NID2: variants seen among roughly 807,000 people sequenced by gnomAD.
NID2 encodes nidogen-2.
NID2 carries 83 observed loss-of-function variants against 145.4 expected under a neutral mutation model. The observed-to-expected ratio is 0.57, with a 90% CI of 0.48 to 0.69. The LOEUF (loss-of-function observed/expected upper bound fraction) is 0.69. Ranked by LOEUF, NID2 falls within the 30% of genes least tolerant of loss-of-function variation. The pLI, the probability that NID2 is intolerant of heterozygous loss-of-function variation, is 0.00. For missense variants in NID2, 1,807 were observed against 1,765.7 expected, an observed-to-expected ratio of 1.02 and a Z score of -0.42; for synonymous variants, 739 against 701.3, an observed-to-expected ratio of 1.05 and a Z score of -0.85.
rs149983760 is a variant in NID2 at position 52,006,619 on chromosome 14, G to A, written c.3922C>T (p.Arg1308Trp). 8.7e-6 allele frequency: 14 copies of A among 1,613,788 alleles called. No individual in the cohort carries two copies. The highest frequency in any genetic ancestry group is 3.3e-5 in the Admixed American group (2 of 60,014). ...TTGAGGTTGTTTTGAATGACACGCCGTCCAGTTCCATCAGGTAGTGTACAC... is the reference window on the plus strand; with the variant it reads ...TTGAGGTTGTTTTGAATGACACGCCATCCAGTTCCATCAGGTAGTGTACAC... ...LECTLPDGTG[R>W]RVIQNNLKYP... Residue 1308 changes from arginine to tryptophan, a missense_variant, in exon 20 of 22, where the codon CGG becomes TGG. Transcript: ENST00000216286.
intron 3 of NID2, among the ~76,000 whole-genome samples, chr14:52,054,701 C>T (rs1044553569): frequency 2.0e-5 from 3 of 152,070 alleles, no homozygotes; most frequent in East Asian, 3.9e-4. Context: ...AGAGTGAGAC[C>T]CTGTCTCAAA....
chr14:52,006,673 A>G lies in NID2; in HGVS notation c.3881-13T>C. ...AGTTTTTTGGTTCCTTTTAAAACAAAGGGGGAAAATGAGGTCCTTCAGCTG... is the reference window on the plus strand; with the variant it reads ...AGTTTTTTGGTTCCTTTTAAAACAAGGGGGGAAAATGAGGTCCTTCAGCTG... On this transcript the variant is annotated splice_polypyrimidine_tract_variant and intron_variant, in intron 19 of 21. Transcript: ENST00000216286. The G allele has an allele frequency of 6.2e-7, 1 of 1,613,004 alleles. No individual in the cohort carries two copies. Among genetic ancestry groups the G allele is most frequent in the African/African-American group, 1.3e-5 (1 of 75,016 alleles).
In NID2 at chr14:52,027,301, G is replaced by T. The variant is rs1299665026; in HGVS notation, c.2574C>A (p.Thr858=). ...ACCGGGCCTGCCCAGCAGGAGCACAGGTATGACTGCCATCCTCACAGGGGT... is the reference window on the plus strand; with the variant it reads ...ACCGGGCCTGCCCAGCAGGAGCACATGTATGACTGCCATCCTCACAGGGGT... The part of the protein sequence containing the change: ...PANPCEDGSH[T]CAPAGQARCV... Residue 858 remains threonine (T), a synonymous_variant, in exon 12 of 22, where the codon ACC becomes ACA. Transcript: ENST00000216286. 6.3e-7 allele frequency: 1 copy of T among 1,593,888 alleles called. No homozygotes were observed. Among genetic ancestry groups the T allele is most frequent in the African/African-American group, 1.4e-5 (1 of 73,428 alleles).
At chr14:52,049,953 C>T (rs1892634885) in intron 5 of NID2, among the ~76,000 whole-genome samples, 1 of 152,128 alleles carries the variant, frequency 6.6e-6, no homozygotes, top group African/African-American at 2.4e-5. Context: ...GTCTTTGGCA[C>T]CTGGAGGGTT....
intron 2 of NID2, among the ~76,000 whole-genome samples, chr14:52,066,300 G>A (rs1422357366): frequency 1.3e-5 from 2 of 150,778 alleles, no homozygotes. Flanking sequence ...TCAGGGGAAG[G>A]TGGACACAGT....
chr14:52,033,511 A>G lies in NID2; in HGVS notation c.2258-3821T>C, dbSNP rs944499164. Reference sequence around the variant, plus strand: ...AAGTCACCGAGGGACAGAGGCTCCAATTACTCACTGGGAAAGACACCCCAG... The same window carrying G: ...AAGTCACCGAGGGACAGAGGCTCCAGTTACTCACTGGGAAAGACACCCCAG... On this transcript the variant is annotated intron_variant, in intron 9 of 21. Coordinates refer to ENST00000216286, the MANE Select transcript of NID2 (RefSeq NM_007361.4). Among the ~76,000 whole-genome samples, 3 of 152,194 alleles carry G rather than the reference A, an allele frequency of 2.0e-5. No individual in the cohort carries two copies. The East Asian group carries it at 5.8e-4, about 29-fold the overall frequency.
In NID2 at chr14:52,029,778, A is replaced by G. The variant is rs571350415; in HGVS notation, c.2258-88T>C. Reference sequence around the variant, plus strand: ...TAGAGGAGTCCTCGGAACTGACTGCATGTCTGTGTTTTGTGACACACCGGA... The same window carrying G: ...TAGAGGAGTCCTCGGAACTGACTGCGTGTCTGTGTTTTGTGACACACCGGA... On this transcript the variant is annotated intron_variant, in intron 9 of 21. Transcript: ENST00000216286. 1.7e-5 allele frequency: 19 copies of G among 1,131,018 alleles called. No homozygotes were observed. The South Asian group carries it at 2.7e-4, about 16-fold the overall frequency. The allele number at this position is 1,131,018 out of a possible 1,614,324, so 70.1% of individuals were successfully genotyped here.
At chr14:52,068,197 G>C (rs751784197) in intron 1 of NID2, 34 bp from the exon 2 acceptor site, 5 of 1,594,226 alleles carry the variant, frequency 3.1e-6, no homozygotes, top group Non-Finnish European at 4.3e-6. Flanking sequence ...GGTGACAGTC[G>C]CTCAAGCCCA....
At chr14:52,027,010 T>C (rs570599177) in intron 12 of NID2, among the ~76,000 whole-genome samples, 191 bp downstream of exon 12, 2 of 152,328 alleles carry the variant, frequency 1.3e-5, no homozygotes, top group South Asian at 4.1e-4. Context: ...TGCTCGCCCA[T>C]CTAGTCCAGA....
chr14:52,014,203 C>T, intron 16 of NID2, 84 bp downstream of exon 16: 1 of 1,562,552 alleles, frequency 6.4e-7, no homozygotes. Flanking sequence ...TGCACCAGTC[C>T]ACCTCACTGC....
rs772412285 is a variant in NID2 at position 52,015,093 on chromosome 14, C to T, written c.3211G>A (p.Val1071Met). 1.9e-6 allele frequency: 3 copies of T among 1,614,058 alleles called. No individual in the cohort carries two copies. Among genetic ancestry groups the T allele is most frequent in the Admixed American group, 3.3e-5 (2 of 60,018 alleles). The change falls in exon 15 of 22, where the codon GTG becomes ATG. Residue 1071 changes from valine to methionine, a missense_variant. Val to Met is a conservative substitution (Grantham distance 21). Transcript: ENST00000216286. The part of the protein sequence containing the change: ...CWCVDKDGRE[V>M]QGTRSQPGTT... ...CCTGGCTGGGAGCGGGTGCCCTGCA[C>T]CTCTCTGCCATCTTTGTCCACACAC...
At chr14:52,031,084 G>C (rs1891851095) in intron 9 of NID2, among the ~76,000 whole-genome samples, 2 of 152,192 alleles carry the variant, frequency 1.3e-5, no homozygotes, top group Non-Finnish European at 1.5e-5. Flanking sequence ...TGGTTCCATA[G>C]CTCATGCTTT....
At chr14:52,008,172 C>T in intron 18 of NID2, 1 of 457,576 alleles carries the variant, frequency 2.2e-6, no homozygotes, top group East Asian at 3.6e-5. Context: ...GATATTCGGT[C>T]TCAAAAAACT....
At chr14:52,033,300 G>A (rs1039280573) in intron 9 of NID2, among the ~76,000 whole-genome samples, 4 of 152,034 alleles carry the variant, frequency 2.6e-5, no homozygotes, top group Admixed American at 2.6e-4. Context: ...TCACTGCACA[G>A]CCCTCTGCCC....
rs1892977573 is a variant in NID2 at position 52,060,207 on chromosome 14, G to A, written c.684C>T (p.Cys228=). The change falls in exon 3 of 22, where the codon TGC becomes TGT. Residue 228 remains cysteine (C), a synonymous_variant. Transcript: ENST00000216286. Reference sequence around the variant, plus strand: ...ACTTCAGATCATCAGCCTCCCCTCGGCAGAAGCCCACCCGAGCTGGAAGCT... The same window carrying A: ...ACTTCAGATCATCAGCCTCCCCTCGACAGAAGCCCACCCGAGCTGGAAGCT... ...QLQLPARVGF[C]RGEADDLKSE... The A allele has an allele frequency of 6.2e-6, 10 of 1,614,022 alleles. No homozygotes were observed. The highest frequency in any genetic ancestry group is 8.5e-6 in the Non-Finnish European group (10 of 1,179,980).
Position 52,006,673 on chromosome 14 carries a change from A to AG in NID2, c.3881-14dup. On this transcript the variant is annotated splice_polypyrimidine_tract_variant and intron_variant, in intron 19 of 21. Transcript: ENST00000216286. ...AGTTTTTTGGTTCCTTTTAAAACAAAGGGGGAAAATGAGGTCCTTCAGCTG... is the reference window on the plus strand; with the variant it reads ...AGTTTTTTGGTTCCTTTTAAAACAAAGGGGGGAAAATGAGGTCCTTCAGCTG... 6.2e-7 allele frequency: 1 copy of AG among 1,613,006 alleles called. No homozygotes were observed. Among genetic ancestry groups the AG allele is most frequent in the South Asian group, 1.1e-5 (1 of 91,006 alleles).
intron 13 of NID2, 25 bp downstream of exon 13, chr14:52,020,034 C>T (rs1272542048): frequency 2.5e-6 from 4 of 1,612,470 alleles, no homozygotes; most frequent in Admixed American, 1.7e-5. Flanking sequence ...GATTCATGTG[C>T]CTAATCTGGC....
At chr14:52,030,641 A>C (rs1018640877) in intron 9 of NID2, among the ~76,000 whole-genome samples, 1 of 151,356 alleles carries the variant, frequency 6.6e-6, no homozygotes, top group Admixed American at 6.6e-5. Flanking sequence ...AGAAAGAGAA[A>C]GAAAAAGAGA....
At chr14:52,039,558 C>G (rs1017742601) in intron 8 of NID2, among the ~76,000 whole-genome samples, 1 of 152,158 alleles carries the variant, frequency 6.6e-6, no homozygotes, top group South Asian at 2.1e-4. Context: ...GGACACTGAC[C>G]ATTTTGTTCA....
Sources: gnomAD v4.1 joint callset for allele counts (sites outside exome capture counted in the v4.1 genomes callset) on GRCh38, gnomAD v4.1.1 for gene constraint, MANE v1.5 for transcripts, NCBI Gene and HGNC (gene_info 2026-07-23, HGNC 2026-07-21) for gene names.